The following PCDHGB5 variants were observed in gnomAD, a reference collection of about 807,000 sequenced individuals.
PCDHGB5 encodes the protein protocadherin gamma subfamily B, 5.
Under a neutral mutation model 62.9 loss-of-function variants are expected in PCDHGB5, and 48 were observed. The observed-to-expected ratio is 0.76, with a 90% CI of 0.61 to 0.97. The LOEUF is 0.97. Ranked by LOEUF, PCDHGB5 falls within the 50% of genes least tolerant of loss-of-function variation. The pLI is 0.00. For missense variants in PCDHGB5, 1,118 were observed against 1,198.6 expected (o/e 0.93, Z 0.99); for synonymous variants, 474 against 511.2 (o/e 0.93, Z 0.98).
At chr5:141,510,906 C>G in intron 3 of PCDHGB5, 41 bp from the exon 4 acceptor site, 1 of 1,613,582 alleles carries the variant, frequency 6.2e-7, no homozygotes, top group Non-Finnish European at 8.5e-7. Context: ...TGTTGAGGAC[C>G]CTAAGTTTAG....
intron 1 of PCDHGB5, chr5:141,441,665 A>G (rs994092543): frequency 2.3e-5 from 6 of 265,720 alleles, no homozygotes; most frequent in Non-Finnish European, 3.7e-5. Context: ...CCTTGAGCGC[A>G]CAGTGCGCCT....
At chr5:141,413,443 A>G (rs2095641277) in intron 1 of PCDHGB5, 1 of 1,613,986 alleles carries the variant, frequency 6.2e-7, no homozygotes, top group Admixed American at 1.7e-5. Context: ...CAGCTTGATC[A>G]CCGCGGGCAG....
intron 2 of PCDHGB5, among the ~76,000 whole-genome samples, chr5:141,500,212 ATT>A (rs1336187706): frequency 5.4e-5 from 8 of 148,798 alleles, no homozygotes; most frequent in African/African-American, 2.0e-4. Context: ...TTATTTATTT[ATT>A]TATTTATTTA....
rs535152193 is a variant in PCDHGB5, at chr5:141,422,906, C to G, written c.2397+22382C>G. ...TTCGTGCTGGACCAGAACGACAATG[C>G]GCCCGAGATCCTGTACCCTGCCCTC... On this transcript the variant is annotated intron_variant, in intron 1 of 3. Transcript: ENST00000617380. 6 of 1,614,264 alleles carry G rather than the reference C, an allele frequency of 3.7e-6. No homozygotes were observed. The South Asian group carries it at 6.6e-5, about 18-fold the overall frequency.
chr5:141,423,572 G>T (rs1239529114), intron 1 of PCDHGB5: 2 of 1,613,510 alleles, frequency 1.2e-6, no homozygotes, highest in African/African-American at 1.3e-5. Context: ...ACGCTCATCA[G>T]CCAGGAGAGC....
In PCDHGB5 at chr5:141,512,443, CCTT is replaced by C. The variant is rs1263805618; in HGVS notation, c.*1272_*1274del. On this transcript the variant is annotated 3_prime_UTR_variant, in exon 4 of 4. Coordinates refer to ENST00000617380, the MANE Select transcript of PCDHGB5 (RefSeq NM_018925.3). ...GCCCCTGCCCTCCTGAAGCCTCAGT[CCTT>C]CACCTTGCCAGGTGCCGTTTCTCTT... The C allele has an allele frequency of 1.3e-5, 2 of 152,896 alleles. No homozygotes were observed. The highest frequency in any genetic ancestry group is 4.8e-5 in the African/African-American group (2 of 41,468). 9.5% of individuals were successfully genotyped at this position (152,896 alleles called of 1,614,324 possible).
At chr5:141,500,182 A>ATTT (rs1199992745) in intron 2 of PCDHGB5, among the ~76,000 whole-genome samples, 1 of 131,622 alleles carries the variant, frequency 7.6e-6, no homozygotes, top group African/African-American at 3.1e-5. Context: ...CTTCATTTTT[A>ATTT]TTTTTATTTA....
intron 1 of PCDHGB5, chr5:141,475,984 G>T: frequency 1.9e-6 from 2 of 1,069,308 alleles, no homozygotes; most frequent in South Asian, 3.1e-5. Context: ...AACAGCCGGC[G>T]AGCAAATCAA....
At chr5:141,434,535 A>G (rs939961995) in intron 1 of PCDHGB5, among the ~76,000 whole-genome samples, 1 of 152,230 alleles carries the variant, frequency 6.6e-6, no homozygotes, top group African/African-American at 2.4e-5. Flanking sequence ...ACCACAAACA[A>G]TAGCATGAGT....
intron 1 of PCDHGB5, chr5:141,415,950 A>G (rs996935488): frequency 4.0e-6 from 2 of 498,646 alleles, no homozygotes; most frequent in Non-Finnish European, 6.1e-6. Flanking sequence ...GGGTGGTCAC[A>G]TATTGAAACT....
intron 1 of PCDHGB5, among the ~76,000 whole-genome samples, chr5:141,462,264 G>A (rs966953621): frequency 1.3e-5 from 2 of 152,174 alleles, no homozygotes; most frequent in African/African-American, 4.8e-5. Context: ...CCAGCCTAAA[G>A]TGTATTGTTT....
chr5:141,425,763 G>A (rs959881638), intron 1 of PCDHGB5, among the ~76,000 whole-genome samples: 3 of 152,164 alleles, frequency 2.0e-5, no homozygotes, highest in Non-Finnish European at 4.4e-5. Context: ...TCTACAACAG[G>A]AGAGAAGACT....
At chr5:141,447,798 A>G (rs2098551922) in intron 1 of PCDHGB5, among the ~76,000 whole-genome samples, 2 of 152,230 alleles carry the variant, frequency 1.3e-5, no homozygotes, top group Admixed American at 1.3e-4. Context: ...TTAAGAAAAT[A>G]AAATTGGCTG....
In PCDHGB5 at chr5:141,432,115, C is replaced by G. The variant is rs753088299; in HGVS notation, c.2397+31591C>G. On this transcript the variant is annotated intron_variant, in intron 1 of 3. Transcript: ENST00000617380. This position sits in a 1 kb window ranked among gnomAD's most constrained non-coding sequence, Gnocchi z 6.0. ...ACACCAACGACAACCCGCCGGTCTT[C>G]CCTCAGGCCTCCTATTCCGCTTATA... The G allele has an allele frequency of 1.2e-5, 20 of 1,614,178 alleles. No individual in the cohort carries two copies. Among genetic ancestry groups the G allele is most frequent in the Non-Finnish European group, 1.6e-5 (19 of 1,180,050 alleles).
intron 1 of PCDHGB5, among the ~76,000 whole-genome samples, chr5:141,443,035 CTT>C (rs2098359592): frequency 6.6e-6 from 1 of 152,208 alleles, no homozygotes; most frequent in African/African-American, 2.4e-5. Context: ...CAGACCTAAA[CTT>C]TGAAAATTAT....
intron 1 of PCDHGB5, among the ~76,000 whole-genome samples, chr5:141,401,424 T>G (rs1408860840): frequency 6.6e-6 from 1 of 152,170 alleles, no homozygotes; most frequent in Non-Finnish European, 1.5e-5. Flanking sequence ...AGAGACTGAT[T>G]CACTGAACTT....
At position 141,494,934 on chromosome 5, in the gene PCDHGB5, T is replaced by C. The variant is rs2099757666; in HGVS notation, c.2456+69T>C. On this transcript the variant is annotated intron_variant, in intron 2 of 3. Transcript: ENST00000617380. ...TTCTCAGGGATGACGTGGGAGGAGA[T>C]GGGGGAGGGCCCAGCATTTGCTACA... 5.6e-6 allele frequency: 9 copies of C among 1,612,736 alleles called. No individual in the cohort carries two copies. The South Asian group carries it at 7.7e-5, about 14-fold the overall frequency.
Position 141,399,180 on chromosome 5 carries a change from G to T in PCDHGB5, c.1053G>T (p.Met351Ile), listed in dbSNP as rs1454578078. 3.7e-6 allele frequency: 6 copies of T among 1,613,798 alleles called. No individual in the cohort carries two copies. Among genetic ancestry groups the T allele is most frequent in the Admixed American group, 1.7e-5 (1 of 60,012 alleles). Reference sequence around the variant, plus strand: ...TTACATTCCATTCTCTACTTGAAATGATTCTGGAAAACGCGGTGCCTGGAA... The same window carrying T: ...TTACATTCCATTCTCTACTTGAAATTATTCTGGAAAACGCGGTGCCTGGAA... ...PEVTFHSLLE[M>I]ILENAVPGTL... Residue 351 changes from methionine (M) to isoleucine (I), a missense_variant, in exon 1 of 4, where the codon ATG (methionine) becomes ATT (isoleucine). Coordinates refer to ENST00000617380, the MANE Select transcript of PCDHGB5 (RefSeq NM_018925.3).
intron 1 of PCDHGB5, chr5:141,422,941 G>A (rs777535652): frequency 9.9e-6 from 16 of 1,614,218 alleles, no homozygotes; most frequent in East Asian, 4.5e-5. Context: ...CCCCACAGAC[G>A]GCTCCACTGG....
Sources: gnomAD v4.1 joint callset for allele counts (sites outside exome capture counted in the v4.1 genomes callset) on GRCh38, gnomAD v4.1.1 for gene constraint, Gnocchi (gnomAD v3.1) non-coding constraint, MANE v1.5 for transcripts, NCBI Gene and HGNC (gene_info 2026-07-23, HGNC 2026-07-21) for gene names.